CFAP299: variants seen among roughly 807,000 people sequenced by gnomAD.
The protein encoded by CFAP299 is cilia and flagella associated protein 299, also known as cilia- and flagella-associated protein 299.
CFAP299 carries 21 observed loss-of-function variants against 27.0 expected under a neutral mutation model. The observed-to-expected ratio is 0.78, with a 90% confidence interval of 0.55 to 1.12. The LOEUF is 1.12. Ranked by LOEUF, CFAP299 falls within the 50% of genes most tolerant of loss-of-function variation. The pLI, the probability that CFAP299 is intolerant of heterozygous loss-of-function variation, is 0.00. For missense variants in CFAP299, 310 were observed against 276.6 expected, an observed-to-expected ratio of 1.12 and a Z score of -0.86; for synonymous variants, 104 against 98.1, an observed-to-expected ratio of 1.06 and a Z score of -0.36.
chr4:80,508,672 A>G (rs1332582409), intron 2 of CFAP299, among the ~76,000 whole-genome samples: 1 of 151,948 alleles, frequency 6.6e-6, no homozygotes, highest in Non-Finnish European at 1.5e-5. Flanking sequence ...GATTCTCTCA[A>G]CTTGGCCTCC....
intron 3 of CFAP299, among the ~76,000 whole-genome samples, chr4:80,625,270 T>C (rs1738824459): frequency 6.6e-6 from 1 of 152,098 alleles, no homozygotes; most frequent in Admixed American, 6.5e-5. Flanking sequence ...GTAGATGGTG[T>C]GTCTGTGTGT....
intron 3 of CFAP299, among the ~76,000 whole-genome samples, chr4:80,782,671 A>T (rs539027796): frequency 5.5e-5 from 7 of 126,822 alleles, no homozygotes; most frequent in East Asian, 2.0e-4. Flanking sequence ...ATTCATATAT[A>T]ATATACATAT....
chr4:80,540,130 C>T (rs1733931041), intron 2 of CFAP299, among the ~76,000 whole-genome samples: 1 of 152,174 alleles, frequency 6.6e-6, no homozygotes, highest in African/African-American at 2.4e-5. Flanking sequence ...GTGAGTCTAG[C>T]TTTCTGGCCT....
intron 1 of CFAP299, among the ~76,000 whole-genome samples, chr4:80,341,627 AAAC>A (rs768828310): frequency 1.4e-4 from 22 of 152,210 alleles, no homozygotes; most frequent in Non-Finnish European, 2.1e-4. Flanking sequence ...AAATAGAAAG[AAAC>A]AACAACAACA....
chr4:80,466,580 AT>A (rs995713977), intron 2 of CFAP299, among the ~76,000 whole-genome samples: 26 of 152,340 alleles, frequency 1.7e-4, no homozygotes, highest in African/African-American at 5.8e-4. Flanking sequence ...CACTAAAACG[AT>A]GGTAAAAATG....
intron 2 of CFAP299, among the ~76,000 whole-genome samples, chr4:80,375,523 A>G (rs1436068147): frequency 1.3e-5 from 2 of 152,176 alleles, no homozygotes; most frequent in African/African-American, 2.4e-5. Context: ...GAGTGATCCA[A>G]TCCTCAAGCC....
At chr4:80,446,661 C>T (rs1413709982) in intron 2 of CFAP299, among the ~76,000 whole-genome samples, 2 of 152,120 alleles carry the variant, frequency 1.3e-5, no homozygotes, top group East Asian at 3.9e-4. Context: ...GCATTAGGGA[C>T]CTCAAACATC....
chr4:80,573,300 C>G (rs1735687438), intron 2 of CFAP299, among the ~76,000 whole-genome samples: 1 of 151,798 alleles, frequency 6.6e-6, no homozygotes, highest in Non-Finnish European at 1.5e-5. Flanking sequence ...AAATCTTTGG[C>G]CTATTTTTTG....
chr4:80,516,050 T>TAC (rs1732573347), intron 2 of CFAP299, among the ~76,000 whole-genome samples: 1 of 148,040 alleles, frequency 6.8e-6, no homozygotes, highest in Non-Finnish European at 1.5e-5. Flanking sequence ...GACGGAGTCT[T>TAC]ACTCTTGTCG....
intron 3 of CFAP299, chr4:80,608,277 A>G: frequency 8.6e-7 from 1 of 1,161,094 alleles, no homozygotes; most frequent in Non-Finnish European, 1.2e-6. Context: ...TAGATAGGAG[A>G]TTTGTTAACA....
intron 3 of CFAP299, among the ~76,000 whole-genome samples, chr4:80,806,388 T>C (rs1728867295): frequency 1.3e-5 from 2 of 152,190 alleles, no homozygotes; most frequent in Admixed American, 1.3e-4. Context: ...GTTGTGAAGG[T>C]GTACTTGGAG....
intron 3 of CFAP299, among the ~76,000 whole-genome samples, chr4:80,721,338 A>G (rs888215598): frequency 2.0e-5 from 3 of 152,220 alleles, no homozygotes; most frequent in Non-Finnish European, 4.4e-5. Flanking sequence ...CTTAAACAAA[A>G]GAAATTTATT....
At chr4:80,376,264 A>G (rs777883278) in intron 2 of CFAP299, among the ~76,000 whole-genome samples, 2 of 152,146 alleles carry the variant, frequency 1.3e-5, no homozygotes, top group Non-Finnish European at 2.9e-5. Flanking sequence ...ATTGTTGAGT[A>G]ATATGGCATT....
chr4:80,643,544 C>G (rs1209546344), intron 3 of CFAP299, among the ~76,000 whole-genome samples: 1 of 152,076 alleles, frequency 6.6e-6, no homozygotes, highest in Non-Finnish European at 1.5e-5. Flanking sequence ...ATGAAGTAGT[C>G]AGGAGAATTT....
chr4:80,963,011 A>C (rs2109872055), intron 5 of CFAP299, among the ~76,000 whole-genome samples: 1 of 152,120 alleles, frequency 6.6e-6, no homozygotes, highest in Non-Finnish European at 1.5e-5. Flanking sequence ...AAAGGTTATA[A>C]TTTGAAGGAA....
chr4:80,849,333 G>A (rs970876157), intron 3 of CFAP299, among the ~76,000 whole-genome samples: 1 of 152,172 alleles, frequency 6.6e-6, no homozygotes, highest in South Asian at 2.1e-4. Flanking sequence ...GAGGTTCGTT[G>A]TTAACCAAAA....
At chr4:80,409,007 G>A (rs1201852362) in intron 2 of CFAP299, among the ~76,000 whole-genome samples, 5 of 149,450 alleles carry the variant, frequency 3.3e-5, no homozygotes, top group African/African-American at 1.2e-4. Context: ...CTTAAGCCCG[G>A]GAGGCAGTAG....
At chr4:80,400,600 T>G (rs1218410353) in intron 2 of CFAP299, among the ~76,000 whole-genome samples, 1 of 152,218 alleles carries the variant, frequency 6.6e-6, no homozygotes, top group African/African-American at 2.4e-5. Flanking sequence ...ATCATGATTC[T>G]GAGGCCTCCC....
At chr4:80,896,388 G>A (rs975348896) in intron 4 of CFAP299, among the ~76,000 whole-genome samples, 3 of 152,102 alleles carry the variant, frequency 2.0e-5, no homozygotes, top group African/African-American at 7.2e-5. Context: ...GGGCAGTATT[G>A]TAATGTTTTA....
Sources: allele counts gnomAD v4.1 joint callset (sites outside exome capture counted in the v4.1 genomes callset), GRCh38; gene constraint gnomAD v4.1.1; transcripts MANE v1.5; gene names NCBI Gene and HGNC (gene_info 2026-07-23, HGNC 2026-07-21).